BRAF: variants seen among roughly 807,000 people sequenced by gnomAD.
BRAF encodes the protein B-Raf proto-oncogene, serine/threonine kinase.
In BRAF, 16 loss-of-function variants were observed where a neutral mutation model predicts 104.6. The ratio of observed to expected loss-of-function variants is 0.15; its 90% confidence interval spans 0.10 to 0.23. The LOEUF (loss-of-function observed/expected upper bound fraction) is 0.23, where lower values mean the gene tolerates loss of function less well. Among genes scored for constraint, BRAF ranks in the 10% least tolerant of loss-of-function variants. The pLI, the probability that BRAF is intolerant of heterozygous loss-of-function variation, is 1.00. For synonymous variants in BRAF, 310 were observed against 341.6 expected, an observed-to-expected ratio of 0.91 and a Z score of 1.02; for missense variants, 541 against 937.3, an observed-to-expected ratio of 0.58 and a Z score of 5.52.
chr7:140,864,371 AC>A (rs1469694774), intron 1 of BRAF, among the ~76,000 whole-genome samples: 1 of 152,204 alleles, frequency 6.6e-6, no homozygotes, highest in Non-Finnish European at 1.5e-5. Context: ...CAACGGGTGG[AC>A]AGTGATGCCA....
At chr7:140,903,306 A>C (rs965591404) in intron 1 of BRAF, among the ~76,000 whole-genome samples, 1 of 152,198 alleles carries the variant, frequency 6.6e-6, no homozygotes, top group Non-Finnish European at 1.5e-5. Flanking sequence ...CATTCCAAAA[A>C]TCCTAGGGCC....
At chr7:140,731,988 G>A (rs1285838872) in intron 19 of BRAF, 1 of 150,144 alleles carries the variant, frequency 6.7e-6, no homozygotes, top group Admixed American at 6.6e-5. Context: ...CGGCTAAAAC[G>A]GTGAAACCCC....
Position 140,805,666 on chromosome 7 carries a change from C to G in BRAF, c.711+2294G>C, listed in dbSNP as rs575316948. On this transcript the variant is annotated intron_variant, in intron 5 of 19. Coordinates refer to ENST00000644969, the MANE Select transcript of BRAF (RefSeq NM_001374258.1). ...GTGTGGGGCTGTGTGAAGGAAGACA[C>G]TGAGTGTCTGCAGAAAAAGGAGAAG... 3.9e-5 allele frequency among the ~76,000 whole-genome samples: 6 copies of G among 152,218 alleles called. No individual in the cohort carries two copies. In the South Asian group the frequency reaches 1.2e-3, roughly 32 times the overall value.
At chr7:140,840,330 T>C (rs891203713) in intron 2 of BRAF, among the ~76,000 whole-genome samples, 1 of 83,520 alleles carries the variant, frequency 1.2e-5, no homozygotes, top group Non-Finnish European at 2.0e-5. Context: ...CCACAGAAAA[T>C]AGATAAATTG....
Position 140,723,023 on chromosome 7 carries a change from C to A in BRAF, c.*3471G>T, listed in dbSNP as rs962836201. On this transcript the variant is annotated 3_prime_UTR_variant, in exon 20 of 20. Coordinates refer to ENST00000644969, the MANE Select transcript of BRAF (RefSeq NM_001374258.1). Reference sequence around the variant, plus strand: ...CTTAAATCATCGTCATGTTCTAGAGCTCCTGACTTTTCATATTTTAAAATA... The same window carrying A: ...CTTAAATCATCGTCATGTTCTAGAGATCCTGACTTTTCATATTTTAAAATA... The A allele has an allele frequency of 2.9e-6, 3 of 1,052,374 alleles. No individual in the cohort carries two copies. The highest frequency in any genetic ancestry group is 1.7e-5 in the African/African-American group (1 of 60,318). 65.2% of individuals were successfully genotyped at this position (1,052,374 alleles called of 1,614,324 possible). A position where few individuals can be genotyped will look rare whatever the true frequency, so the allele number is the denominator to read the frequency against.
At chr7:140,918,596 A>C (rs1817871620) in intron 1 of BRAF, among the ~76,000 whole-genome samples, 1 of 152,200 alleles carries the variant, frequency 6.6e-6, no homozygotes, top group African/African-American at 2.4e-5. Flanking sequence ...TTGAAACCCC[A>C]AAACAGTGTT....
chr7:140,785,798 GTT>G lies in BRAF; in HGVS notation c.1186_1187del (p.Asn396ProfsTer24), dbSNP rs1801294325. The part of the protein sequence containing the change: ...QGFRGDGAPL[N>X]QLMRCLRKYQ... ...ATTTCCGAAGACAGCGCATCAGCTG[GTT>G]CAAAGGGGCTGTTAGAAGAGAAAGA... is the stretch of plus-strand genomic sequence containing the variant. On this transcript the variant is annotated frameshift_variant, in exon 10 of 20. Transcript: ENST00000644969. LOFTEE classifies it high-confidence loss of function. 2.5e-6 allele frequency: 1 copy of G among 398,872 alleles called. No individual in the cohort carries two copies. The highest frequency in any genetic ancestry group is 4.4e-6 in the Non-Finnish European group (1 of 226,070). 24.7% of individuals were successfully genotyped at this position (398,872 alleles called of 1,614,324 possible). A position where few individuals can be genotyped will look rare whatever the true frequency, so the allele number is the denominator to read the frequency against.
At chr7:140,770,233 AT>A (rs1040111085) in intron 14 of BRAF, among the ~76,000 whole-genome samples, 1 of 152,160 alleles carries the variant, frequency 6.6e-6, no homozygotes, top group African/African-American at 2.4e-5. Flanking sequence ...GCCACTTAGA[AT>A]TATTATCAAT....
At chr7:140,743,112 T>G (rs1456752516) in intron 17 of BRAF, among the ~76,000 whole-genome samples, 1 of 151,972 alleles carries the variant, frequency 6.6e-6, no homozygotes, top group African/African-American at 2.4e-5. Flanking sequence ...GGAACACTTT[T>G]ACACTGTTGG....
At position 140,722,500 on chromosome 7, in the gene BRAF, G is replaced by A. The variant is rs1279407510; in HGVS notation, c.*3994C>T. 2.8e-6 allele frequency: 3 copies of A among 1,056,226 alleles called. No individual in the cohort carries two copies. The highest frequency in any genetic ancestry group is 3.4e-6 in the Non-Finnish European group (3 of 873,670). The allele number at this position is 1,056,226 out of a possible 1,614,324, so 65.4% of individuals were successfully genotyped here. A position where few individuals can be genotyped will look rare whatever the true frequency, so the allele number is the denominator to read the frequency against. ...CCTCACCTACACCATTTCAACTCATGACCTGTAAGCTATTTGCTGTTCATA... is the reference window on the plus strand; with the variant it reads ...CCTCACCTACACCATTTCAACTCATAACCTGTAAGCTATTTGCTGTTCATA... On this transcript the variant is annotated 3_prime_UTR_variant, in exon 20 of 20. Transcript: ENST00000644969.
intron 2 of BRAF, among the ~76,000 whole-genome samples, chr7:140,843,190 A>G (rs1014903276): frequency 1.3e-5 from 2 of 152,236 alleles, no homozygotes; most frequent in Admixed American, 1.3e-4. Flanking sequence ...ATTCTAGTCA[A>G]TGAGATATAA....
intron 8 of BRAF, among the ~76,000 whole-genome samples, chr7:140,793,828 T>C (rs1418195224): frequency 3.9e-5 from 6 of 152,184 alleles, no homozygotes; most frequent in African/African-American, 9.7e-5. Flanking sequence ...GGTCTCACTA[T>C]GTTGCCTAGG....
At position 140,720,794 on chromosome 7, in the gene BRAF, A is replaced by G. The variant is rs1016479975; in HGVS notation, c.*5700T>C. 27 of 1,066,062 alleles carry G rather than the reference A, an allele frequency of 2.5e-5. No individual in the cohort carries two copies. The highest frequency in any genetic ancestry group is 5.3e-5 in the Admixed American group (1 of 18,770). 66.0% of individuals were successfully genotyped at this position (1,066,062 alleles called of 1,614,324 possible). ...CACGTGGGTTCAAAAACTTAACACA[A>G]AAATGCAACGCAGTAATTTTCAAAA... On this transcript the variant is annotated 3_prime_UTR_variant, in exon 20 of 20. Coordinates refer to ENST00000644969, the MANE Select transcript of BRAF (RefSeq NM_001374258.1).
At chr7:140,820,009 A>C (rs1022285077) in intron 3 of BRAF, among the ~76,000 whole-genome samples, 5 of 152,210 alleles carry the variant, frequency 3.3e-5, no homozygotes, top group Non-Finnish European at 7.3e-5. Context: ...ATTTTTTTAA[A>C]GAAATTTTCT....
intron 6 of BRAF, chr7:140,801,141 T>C (rs1803061441): frequency 2.9e-6 from 1 of 345,238 alleles, no homozygotes; most frequent in Non-Finnish European, 5.2e-6. Context: ...TCCTAGAAAC[T>C]ATCCAAAAAT....
intron 10 of BRAF, among the ~76,000 whole-genome samples, chr7:140,784,051 AC>A (rs944656699): frequency 1.8e-4 from 28 of 152,328 alleles, no homozygotes; most frequent in African/African-American, 6.7e-4. Context: ...AGTGAATCTT[AC>A]TGGGGCCTGA....
chr7:140,794,236 GTTATAA>G (rs1231748823), intron 8 of BRAF, 66 bp downstream of exon 8: 5 of 1,556,606 alleles, frequency 3.2e-6, no homozygotes, highest in Non-Finnish European at 4.4e-6. Flanking sequence ...TCTGATCTAA[GTTATAA>G]TTATAGCAGA....
intron 7 of BRAF, chr7:140,798,908 C>T (rs1289323624): frequency 2.9e-5 from 5 of 172,470 alleles, no homozygotes; most frequent in African/African-American, 9.5e-5. Flanking sequence ...TGCAATGGTG[C>T]GATCTCAGCT....
chr7:140,774,165 T>C (rs1409052664), intron 14 of BRAF, among the ~76,000 whole-genome samples: 2 of 152,224 alleles, frequency 1.3e-5, no homozygotes, highest in Non-Finnish European at 2.9e-5. Flanking sequence ...CTAAAAAGTA[T>C]ACTCTGCTGG....
Sources: allele counts gnomAD v4.1 joint callset (sites outside exome capture counted in the v4.1 genomes callset), GRCh38; gene constraint gnomAD v4.1.1; transcripts MANE v1.5; gene names NCBI Gene and HGNC (gene_info 2026-07-23, HGNC 2026-07-21).